The following RIC1 variants were observed in gnomAD, a reference collection of about 807,000 sequenced individuals.
The protein encoded by RIC1 is guanine nucleotide exchange factor subunit RIC1.
A neutral mutation model predicts 169.0 loss-of-function variants in RIC1; 88 were observed. That is an observed-to-expected ratio of 0.52 (90% CI 0.44 to 0.62). RIC1 has a LOEUF of 0.62. RIC1 is among the 20% of genes least tolerant of loss of function. RIC1 has a pLI of 0.00. For missense variants in RIC1, 1,877 were observed against 1,725.5 expected, an observed-to-expected ratio of 1.09 and a Z score of -1.56; for synonymous variants, 790 against 601.5, an observed-to-expected ratio of 1.31 and a Z score of -4.59.
downstream of RIC1, among the ~76,000 whole-genome samples, chr9:5,778,166 TAG>T (rs759009113): frequency 2.6e-5 from 4 of 152,266 alleles, no homozygotes; most frequent in Non-Finnish European, 4.4e-5. Flanking sequence ...ATACTTTTGT[TAG>T]ATTTATTTCT....
intron 3 of RIC1, among the ~76,000 whole-genome samples, chr9:5,700,187 A>G (rs551711032): frequency 6.1e-4 from 93 of 152,288 alleles, no homozygotes; most frequent in African/African-American, 2.1e-3. Flanking sequence ...TGAGCTGGGA[A>G]TGACCGACAC....
In RIC1 at chr9:5,770,122, C is replaced by A. The variant is rs911879650; in HGVS notation, c.3460C>A (p.Pro1154Thr). The A allele has an allele frequency of 1.1e-5, 18 of 1,613,180 alleles. No homozygotes were observed. The Admixed American group carries it at 2.2e-4, about 19-fold the overall frequency. The change falls in exon 23 of 26, where the codon CCA becomes ACA. Residue 1154 changes from proline to threonine, a missense_variant. Pro to Thr is a conservative substitution (Grantham distance 38, BLOSUM62 -1). This residue lies in a region of RIC1 where 681 missense variants were observed against 582.0 expected (regional missense o/e 1.17). Transcript: ENST00000414202. Reference sequence around the variant, plus strand: ...GCTGTTAAAGTCTCAATCAGCTGACCCATTTTTGAACCTTGAGATGGATGC... The same window carrying A: ...GCTGTTAAAGTCTCAATCAGCTGACACATTTTTGAACCTTGAGATGGATGC... ...EQLLKSQSADPFLNLEMDAGI... is the reference protein window; with the variant it reads ...EQLLKSQSADTFLNLEMDAGI...
chr9:5,654,099 G>C (rs925569657), intron 1 of RIC1, among the ~76,000 whole-genome samples: 3 of 151,632 alleles, frequency 2.0e-5, no homozygotes, highest in African/African-American at 4.8e-5. Flanking sequence ...TCCCAGGCTC[G>C]AGCAATCTCC....
chr9:5,695,506 C>T (rs1056184502), intron 3 of RIC1, among the ~76,000 whole-genome samples: 3 of 151,696 alleles, frequency 2.0e-5, no homozygotes, highest in Non-Finnish European at 2.9e-5. Flanking sequence ...TTTCCCTCCT[C>T]GTAATTCCCA....
At chr9:5,746,235 T>A (rs1378885543) in intron 11 of RIC1, 152 bp downstream of exon 11, 1 of 496,284 alleles carries the variant, frequency 2.0e-6, no homozygotes, top group African/African-American at 2.0e-5. Context: ...ATATTAAATT[T>A]ATACCAAAAT....
rs768239443 is a variant in RIC1, at chr9:5,704,607, AT to A, written c.333-9281del. 3.0e-4 allele frequency among the ~76,000 whole-genome samples: 46 copies of A among 151,760 alleles called. No homozygotes were observed. The East Asian group carries it at 3.5e-3, about 11-fold the overall frequency. ...TCCTTTTAAGATACATGATTTTCAT[AT>A]TTTTTTTCTCATTGTCTGGGCTTTT... is the stretch of plus-strand genomic sequence containing the variant. On this transcript the variant is annotated intron_variant, in intron 3 of 25. Coordinates refer to ENST00000414202, the MANE Select transcript of RIC1 (RefSeq NM_020829.4).
At chr9:5,685,477 C>G (rs914850137) in intron 2 of RIC1, among the ~76,000 whole-genome samples, 1 of 149,024 alleles carries the variant, frequency 6.7e-6, no homozygotes, top group Non-Finnish European at 1.5e-5. Flanking sequence ...CGCCACATAC[C>G]TACAACTATC....
At chr9:5,649,792 G>C (rs557545797) in intron 1 of RIC1, among the ~76,000 whole-genome samples, 51 of 150,886 alleles carry the variant, frequency 3.4e-4, no homozygotes, top group Non-Finnish European at 6.2e-4. Context: ...CTGTACCTCT[G>C]GTGTAACAGT....
intron 17 of RIC1, among the ~76,000 whole-genome samples, chr9:5,759,362 C>T (rs916487782): frequency 6.6e-6 from 1 of 152,148 alleles, no homozygotes; most frequent in Admixed American, 6.5e-5. Flanking sequence ...GAGTCATCTT[C>T]CCTACCACAA....
rs923896885 is a variant in RIC1, at chr9:5,755,304, C to T, written c.1692+374C>T. 7.9e-5 allele frequency among the ~76,000 whole-genome samples: 12 copies of T among 152,106 alleles called. 1 individual carries two copies. Among genetic ancestry groups the T allele is most frequent in the Admixed American group, 6.6e-4 (10 of 15,264 alleles). ...AATTATGGGGGATACATTCCAAGAC[C>T]ATCAGTGGATGCCTGAAACTGTTAA... On this transcript the variant is annotated intron_variant, in intron 15 of 25. Coordinates refer to ENST00000414202, the MANE Select transcript of RIC1 (RefSeq NM_020829.4).
chr9:5,629,340 C>T lies in RIC1; in HGVS notation c.31C>T (p.Leu11=), dbSNP rs1417119928. ...TTTTCTGAGCGGCTGGCCCAAGAGGCTGCTGTGCCCTCTGGGGAGCCCGGC... is the reference window on the plus strand; with the variant it reads ...TTTTCTGAGCGGCTGGCCCAAGAGGTTGCTGTGCCCTCTGGGGAGCCCGGC... MYFLSGWPKR[L]LCPLGSPAEA... is the part of the protein sequence containing the mutation. Residue 11 remains leucine (L), a synonymous_variant, in exon 1 of 26, where the codon CTG becomes TTG. Coordinates refer to ENST00000414202, the MANE Select transcript of RIC1 (RefSeq NM_020829.4). 27 of 1,531,542 alleles carry T rather than the reference C, an allele frequency of 1.8e-5. No individual in the cohort carries two copies. The highest frequency in any genetic ancestry group is 2.3e-5 in the Non-Finnish European group (26 of 1,145,320). The allele number at this position is 1,531,542 out of a possible 1,614,324, so 94.9% of individuals were successfully genotyped here. A position where few individuals can be genotyped will look rare whatever the true frequency, so the allele number is the denominator to read the frequency against.
intron 1 of RIC1, among the ~76,000 whole-genome samples, chr9:5,640,684 C>T (rs941616453): frequency 7.2e-5 from 11 of 152,112 alleles, no homozygotes; most frequent in African/African-American, 2.7e-4. Context: ...TTACTATTAC[C>T]AGCGAGTTGT....
At chr9:5,687,381 C>G (rs1295022374) in intron 2 of RIC1, among the ~76,000 whole-genome samples, 2 of 152,162 alleles carry the variant, frequency 1.3e-5, no homozygotes, top group Non-Finnish European at 2.9e-5. Context: ...CCACCACTTG[C>G]TTTGGATTTC....
Position 5,636,044 on chromosome 9 carries a change from A to G in RIC1, c.144+6591A>G, listed in dbSNP as rs747169159. Among the ~76,000 whole-genome samples the G allele has an allele frequency of 5.2e-4, 79 of 152,286 alleles. No individual in the cohort carries two copies. In the Middle Eastern group the frequency reaches 0.01, roughly 20 times the overall value. ...AGATGGCCTTGGCTATTCATGGGCT[A>G]TTGTGGTTTTGTATAAATTTTAGGA... On this transcript the variant is annotated intron_variant, in intron 1 of 25. Coordinates refer to ENST00000414202, the MANE Select transcript of RIC1 (RefSeq NM_020829.4).
chr9:5,667,504 CTT>C (rs1171999345), intron 2 of RIC1, among the ~76,000 whole-genome samples: 27 of 131,142 alleles, frequency 2.1e-4, no homozygotes, highest in Admixed American at 4.6e-4. Flanking sequence ...CCACCGCCAC[CTT>C]TTTTTTTTTT....
At chr9:5,652,919 T>G (rs143418853) in intron 1 of RIC1, among the ~76,000 whole-genome samples, 1 of 152,346 alleles carries the variant, frequency 6.6e-6, no homozygotes, top group African/African-American at 2.4e-5. Context: ...GAATAGATGT[T>G]GAGTTTTGTC....
At chr9:5,687,374 C>T (rs2130692107) in intron 2 of RIC1, among the ~76,000 whole-genome samples, 1 of 152,290 alleles carries the variant, frequency 6.6e-6, no homozygotes, top group South Asian at 2.1e-4. Context: ...CCACCCTCCA[C>T]CACTTGCTTT....
chr9:5,733,996 T>C (rs1186170389), intron 7 of RIC1, among the ~76,000 whole-genome samples: 1 of 148,444 alleles, frequency 6.7e-6, no homozygotes, highest in African/African-American at 2.5e-5. Context: ...GACTACTGAT[T>C]CAATTCAGTT....
chr9:5,755,054 G>A (rs1345684059), intron 15 of RIC1, 124 bp downstream of exon 15: 8 of 554,828 alleles, frequency 1.4e-5, no homozygotes, highest in Non-Finnish European at 2.3e-5. Context: ...AATCAAGAAT[G>A]TAGCTTCTTT....
Sources: allele counts gnomAD v4.1 joint callset (sites outside exome capture counted in the v4.1 genomes callset), GRCh38; gene constraint gnomAD v4.1.1; regional missense constraint gnomAD v4.1.1; transcripts MANE v1.5; gene names NCBI Gene and HGNC (gene_info 2026-07-23, HGNC 2026-07-21).